PAPPA2: variants seen among roughly 807,000 people sequenced by gnomAD.
PAPPA2 encodes pappalysin 2.
In PAPPA2, 86 loss-of-function variants were observed where a neutral mutation model predicts 176.4. The observed-to-expected ratio is 0.49, with a 90% CI of 0.41 to 0.58. The LOEUF (loss-of-function observed/expected upper bound fraction) is 0.58. PAPPA2 is among the 20% of genes least tolerant of loss of function. The pLI, the probability that PAPPA2 is intolerant of heterozygous loss-of-function variation, is 0.00. For synonymous variants in PAPPA2, 809 were observed against 852.2 expected, an observed-to-expected ratio of 0.95 and a Z score of 0.88; for missense variants, 2,073 against 2,256.9, an observed-to-expected ratio of 0.92 and a Z score of 1.65.
In PAPPA2 at chr1:176,556,818, T is replaced by C. The variant is rs1651330500; in HGVS notation, c.496T>C (p.Ser166Pro). Reference sequence around the variant, plus strand: ...AGGTGAGGCCGGGATTCAGAAAGGCTCAGCCATGGCTGCCACTACTACCAC... The same window carrying C: ...AGGTGAGGCCGGGATTCAGAAAGGCCCAGCCATGGCTGCCACTACTACCAC... ...SLGEAGIQKG[S>P]AMAATTTTAI... The change falls in exon 2 of 23, where the codon TCA becomes CCA. Residue 166 changes from serine (S) to proline (P), a missense_variant. Around this residue, in one of 4 missense-constraint regions of PAPPA2, gnomAD observed 1,196 missense variants for 1,330.4 expected, o/e 0.90. Coordinates refer to ENST00000367662, the MANE Select transcript of PAPPA2 (RefSeq NM_020318.3). The C allele has an allele frequency of 6.2e-7, 1 of 1,613,980 alleles. No homozygotes were observed. The highest frequency in any genetic ancestry group is 8.5e-7 in the Non-Finnish European group (1 of 1,180,004).
chr1:176,663,956 G>C (rs1447176076), intron 3 of PAPPA2, among the ~76,000 whole-genome samples: 1 of 152,116 alleles, frequency 6.6e-6, no homozygotes, highest in Non-Finnish European at 1.5e-5. Context: ...CTCTTGATAT[G>C]GTGGGTAAAA....
intron 10 of PAPPA2, among the ~76,000 whole-genome samples, chr1:176,709,511 T>A (rs1164235083): frequency 1.3e-5 from 2 of 152,130 alleles, no homozygotes; most frequent in Non-Finnish European, 2.9e-5. Flanking sequence ...CAACAAATAG[T>A]GATTGAGAAC....
At chr1:176,710,262 G>C in intron 11 of PAPPA2, 86 bp downstream of exon 11, 1 of 1,230,732 alleles carries the variant, frequency 8.1e-7, no homozygotes, top group South Asian at 1.5e-5. Context: ...TCTATGTTTG[G>C]ATAATTAAAA....
intron 21 of PAPPA2, among the ~76,000 whole-genome samples, chr1:176,805,203 G>T (rs1258693119): frequency 2.0e-5 from 3 of 151,888 alleles, no homozygotes; most frequent in Non-Finnish European, 4.4e-5. Context: ...GTTCTCTAGG[G>T]AATGTACCTA....
intron 3 of PAPPA2, among the ~76,000 whole-genome samples, chr1:176,662,683 T>C (rs1658424427): frequency 6.6e-6 from 1 of 152,112 alleles, no homozygotes; most frequent in Admixed American, 6.6e-5. Flanking sequence ...CTGGTTCTTT[T>C]TGATGCTTTA....
intron 3 of PAPPA2, among the ~76,000 whole-genome samples, chr1:176,664,228 C>T (rs1235101255): frequency 6.6e-6 from 1 of 152,140 alleles, no homozygotes; most frequent in Non-Finnish European, 1.5e-5. Flanking sequence ...TTCTGTAGGT[C>T]AGAAGTTTAA....
At chr1:176,576,742 G>T (rs191264901) in intron 2 of PAPPA2, among the ~76,000 whole-genome samples, 2 of 152,292 alleles carry the variant, frequency 1.3e-5, no homozygotes, top group Non-Finnish European at 2.9e-5. Flanking sequence ...TGCCGTTTGA[G>T]ACTTGCTAAA....
chr1:176,554,151 G>A (rs577996146), intron 1 of PAPPA2, among the ~76,000 whole-genome samples: 1 of 152,272 alleles, frequency 6.6e-6, no homozygotes, highest in African/African-American at 2.4e-5. Context: ...GGGATGAGGT[G>A]TTTAAGATAC....
intron 21 of PAPPA2, among the ~76,000 whole-genome samples, chr1:176,801,640 G>C (rs779479715): frequency 1.3e-5 from 2 of 152,012 alleles, no homozygotes; most frequent in Non-Finnish European, 2.9e-5. Context: ...TGGGCAGGGG[G>C]TAAGAAGGAG....
chr1:176,824,137 C>T (rs1666768966), intron 21 of PAPPA2, among the ~76,000 whole-genome samples: 1 of 152,206 alleles, frequency 6.6e-6, no homozygotes, highest in Non-Finnish European at 1.5e-5. Flanking sequence ...TACACTGTCT[C>T]AGTTTGCTCT....
chr1:176,691,986 G>A (rs745689343), intron 5 of PAPPA2, 140 bp from the exon 6 acceptor site: 49 of 768,966 alleles, frequency 6.4e-5, no homozygotes, highest in Non-Finnish European at 8.8e-5. Flanking sequence ...GATTGCATTT[G>A]TTCATTCATT....
At chr1:176,664,405 C>T (rs1374649615) in intron 3 of PAPPA2, among the ~76,000 whole-genome samples, 1 of 152,184 alleles carries the variant, frequency 6.6e-6, no homozygotes, top group Non-Finnish European at 1.5e-5. Flanking sequence ...GTAGCTGTCT[C>T]TGATCCTGTT....
intron 14 of PAPPA2, among the ~76,000 whole-genome samples, chr1:176,764,596 CTTT>C (rs1214683318): frequency 3.7e-5 from 5 of 136,080 alleles, no homozygotes; most frequent in Admixed American, 7.3e-5. Flanking sequence ...CCAGTGTATT[CTTT>C]TTTTTTTTTT....
chr1:176,782,609 C>T (rs1664766797), intron 17 of PAPPA2, among the ~76,000 whole-genome samples: 2 of 151,990 alleles, frequency 1.3e-5, no homozygotes, highest in South Asian at 4.1e-4. Flanking sequence ...ATGGGTTGTG[C>T]TTGGGATTCT....
chr1:176,820,676 C>G (rs1666626829), intron 21 of PAPPA2, among the ~76,000 whole-genome samples: 1 of 152,170 alleles, frequency 6.6e-6, no homozygotes, highest in Non-Finnish European at 1.5e-5. Context: ...CTGCCTCCTA[C>G]CCTCTTTTCC....
Position 176,695,819 on chromosome 1 carries a change from G to A in PAPPA2, c.2706G>A (p.Val902=), listed in dbSNP as rs766741186. The change falls in exon 7 of 23, where the codon GTG becomes GTA. Residue 902 remains valine, a synonymous_variant. Coordinates refer to ENST00000367662, the MANE Select transcript of PAPPA2 (RefSeq NM_020318.3). The stretch of plus-strand genomic sequence containing the variant: ...TGCACACAGCTTCCTCCCGGCGGGT[G>A]TGTGACTCCTCAGGTTATTGGACCC... The part of the protein sequence containing the change: ...QYVHTASSRR[V]CDSSGYWTPE... 2 of 1,614,130 alleles carry A rather than the reference G, an allele frequency of 1.2e-6. No individual in the cohort carries two copies. Among genetic ancestry groups the A allele is most frequent in the East Asian group, 2.2e-5 (1 of 44,868 alleles).
chr1:176,825,686 T>C (rs183527207), intron 21 of PAPPA2, among the ~76,000 whole-genome samples: 1 of 152,352 alleles, frequency 6.6e-6, no homozygotes, highest in East Asian at 1.9e-4. Context: ...GGTAATTAGG[T>C]ACTGCAGATA....
chr1:176,629,515 C>T (rs549712257), intron 3 of PAPPA2, among the ~76,000 whole-genome samples: 15 of 152,054 alleles, frequency 9.9e-5, no homozygotes, highest in African/African-American at 3.4e-4. Flanking sequence ...ATTTTAGACC[C>T]TTAAAGTAGT....
intron 4 of PAPPA2, among the ~76,000 whole-genome samples, chr1:176,679,853 A>C (rs145662220): frequency 6.6e-6 from 1 of 152,342 alleles, no homozygotes; most frequent in Non-Finnish European, 1.5e-5. Context: ...GTTGAGTTGC[A>C]TAAATAGAGA....
Sources: allele counts gnomAD v4.1 joint callset (sites outside exome capture counted in the v4.1 genomes callset), GRCh38; gene constraint gnomAD v4.1.1; regional missense constraint gnomAD v4.1.1; transcripts MANE v1.5; gene names NCBI Gene and HGNC (gene_info 2026-07-23, HGNC 2026-07-21).